SSBP3: variants seen among roughly 807,000 people sequenced by gnomAD.
SSBP3 encodes the protein single-stranded DNA-binding protein 3.
A neutral mutation model predicts 69.6 loss-of-function variants in SSBP3; 5 were observed. The observed-to-expected ratio is 0.07, with a 90% confidence interval of 0.04 to 0.15. The LOEUF is 0.15. Ranked by LOEUF, SSBP3 falls within the 10% of genes least tolerant of loss-of-function variation. The pLI is 1.00. For synonymous variants in SSBP3, 196 were observed against 193.4 expected (o/e 1.01, Z -0.11); for missense variants, 312 against 534.0 (o/e 0.58, Z 4.10).
rs543302123 is a variant in SSBP3, at chr1:54,327,292, C to CA, written c.277-45766dup. Among the ~76,000 whole-genome samples the CA allele has an allele frequency of 3.2e-4, 48 of 150,944 alleles. 2 individuals carry two copies. In the South Asian group the frequency reaches 9.9e-3, roughly 31 times the overall value. ...AGGAAAACAACAACAAGAACAACAA[C>CA]AAAAAACCCCCCAAAAAAACAGGTA... On this transcript the variant is annotated intron_variant, in intron 4 of 17. Coordinates refer to ENST00000610401, the Ensembl canonical transcript of SSBP3.
chr1:54,240,089 C>CGTGTGT (rs1419658974), intron 13 of SSBP3, among the ~76,000 whole-genome samples: 1 of 42,014 alleles, frequency 2.4e-5, no homozygotes, highest in African/African-American at 1.2e-4. Flanking sequence ...TGTGTGTGTG[C>CGTGTGT]GCGCGCGCGC....
At chr1:54,265,527 TCA>T (rs1192803467) in intron 5 of SSBP3, among the ~76,000 whole-genome samples, 1 of 152,140 alleles carries the variant, frequency 6.6e-6, no homozygotes, top group African/African-American at 2.4e-5. Context: ...CCCCGAGAGC[TCA>T]CAGTCAGGTG....
chr1:54,250,864 A>C (rs1297862837), intron 9 of SSBP3, among the ~76,000 whole-genome samples: 1 of 152,198 alleles, frequency 6.6e-6, no homozygotes, highest in African/African-American at 2.4e-5. Context: ...TGTCAGCGCC[A>C]ACACCTGTTG....
At chr1:54,407,159 G>A (rs914177447), upstream of SSBP3, among the ~76,000 whole-genome samples, 1 of 152,140 alleles carries the variant, frequency 6.6e-6, no homozygotes, top group African/African-American at 2.4e-5. Context: ...AGCCGGGGGG[G>A]AGGGGGGCTG....
At chr1:54,314,281 G>C (rs1412098119) in intron 4 of SSBP3, among the ~76,000 whole-genome samples, 1 of 152,226 alleles carries the variant, frequency 6.6e-6, no homozygotes, top group Non-Finnish European at 1.5e-5. Context: ...CACCAAGGAA[G>C]TGTATGCGGG....
chr1:54,268,266 G>A (rs1057490513), intron 5 of SSBP3, among the ~76,000 whole-genome samples: 1 of 152,244 alleles, frequency 6.6e-6, no homozygotes. Flanking sequence ...TCTGAAAATG[G>A]ATAGTGCTGC....
At chr1:54,265,318 G>A (rs779367848) in intron 5 of SSBP3, among the ~76,000 whole-genome samples, 4 of 152,214 alleles carry the variant, frequency 2.6e-5, no homozygotes, top group Non-Finnish European at 5.9e-5. Context: ...GTGGGTGTGT[G>A]TGTGTTATGT....
At chr1:54,378,155 T>C (rs1569988732) in intron 4 of SSBP3, among the ~76,000 whole-genome samples, 1 of 152,138 alleles carries the variant, frequency 6.6e-6, no homozygotes, top group East Asian at 1.9e-4. Context: ...GTGCCAGAGT[T>C]CCCATTTTTA....
intron 9 of SSBP3, among the ~76,000 whole-genome samples, chr1:54,247,128 C>T (rs1460744767): frequency 1.3e-5 from 2 of 152,332 alleles, no homozygotes; most frequent in African/African-American, 4.8e-5. Context: ...GAGAAGGGAC[C>T]GAGCAGCTGT....
intron 4 of SSBP3, among the ~76,000 whole-genome samples, chr1:54,301,191 T>A (rs1645794814): frequency 6.6e-6 from 1 of 152,206 alleles, no homozygotes; most frequent in South Asian, 2.1e-4. Flanking sequence ...CACATCACAA[T>A]GCCCATAATA....
rs554447640 is a variant in SSBP3 at position 54,233,458 on chromosome 1, G to T, written c.928-4632C>A. 1.7e-4 allele frequency among the ~76,000 whole-genome samples: 26 copies of T among 151,986 alleles called. No individual in the cohort carries two copies. The East Asian group carries it at 4.9e-3, about 28-fold the overall frequency. On this transcript the variant is annotated intron_variant, in intron 14 of 17. Transcript: ENST00000610401. ...CATCTGGGAAGTGAGGAGCGTCTCC[G>T]GCTGGCAGCCACACCGTCTGGGAGG...
At chr1:54,265,087 T>A (rs1403585635) in intron 5 of SSBP3, among the ~76,000 whole-genome samples, 1 of 152,152 alleles carries the variant, frequency 6.6e-6, no homozygotes, top group Non-Finnish European at 1.5e-5. Flanking sequence ...AAGCTCAGTC[T>A]GGGGAGAAGG....
intron 4 of SSBP3, among the ~76,000 whole-genome samples, chr1:54,341,538 G>GT (rs1470619211): frequency 2.0e-5 from 3 of 152,176 alleles, no homozygotes; most frequent in Admixed American, 1.3e-4. Flanking sequence ...TCCCATGGTA[G>GT]TAAGTGCTGT....
chr1:54,356,410 C>G (rs559562589), intron 4 of SSBP3: 1 of 152,304 alleles, frequency 6.6e-6, no homozygotes, highest in African/African-American at 2.4e-5. Flanking sequence ...AAACTTTTCA[C>G]GCACCTGGCA....
In SSBP3 at chr1:54,258,935, A is replaced by G. The variant is rs1644970087; in HGVS notation, c.367-786T>C. On this transcript the variant is annotated intron_variant, in intron 5 of 17. Coordinates refer to ENST00000610401, the Ensembl canonical transcript of SSBP3. This position sits in a 1 kb window ranked among gnomAD's most constrained non-coding sequence, Gnocchi z 4.5. ...GGGATGAAGGAACTTGGCCATGGCCATAAAACTGGTCAGTGGCAGAGCTGG... is the reference window on the plus strand; with the variant it reads ...GGGATGAAGGAACTTGGCCATGGCCGTAAAACTGGTCAGTGGCAGAGCTGG... 6.6e-6 allele frequency among the ~76,000 whole-genome samples: 1 copy of G among 152,228 alleles called. No homozygotes were observed. Among genetic ancestry groups the G allele is most frequent in the Admixed American group, 6.5e-5 (1 of 15,286 alleles).
intron 5 of SSBP3, among the ~76,000 whole-genome samples, chr1:54,278,210 G>C (rs1049730859): frequency 6.6e-6 from 1 of 152,196 alleles, no homozygotes; most frequent in African/African-American, 2.4e-5. Context: ...GTTGGATCTA[G>C]TGCTTTGGGG....
rs869039822 is a variant in SSBP3 at position 54,337,485 on chromosome 1, C to CTTTTTTTTTTTTTTTTTTTTTTTTT, written c.277-55983_277-55959dup. Among the ~76,000 whole-genome samples the CTTTTTTTTTTTTTTTTTTTTTTTTT allele has an allele frequency of 1.4e-4, 7 of 51,166 alleles. 1 individual carries two copies. Among genetic ancestry groups the CTTTTTTTTTTTTTTTTTTTTTTTTT allele is most frequent in the African/African-American group, 3.9e-4 (4 of 10,178 alleles). 33.6% of individuals were successfully genotyped at this position (51,166 alleles called of 152,430 possible). On this transcript the variant is annotated intron_variant, in intron 4 of 17. Coordinates refer to ENST00000610401, the Ensembl canonical transcript of SSBP3. ...ACCAAAGCATTTTGTTTTCCTCAAG[C>CTTTTTTTTTTTTTTTTTTTTTTTTT]TTTTTTTTTTTTTTTTTTTTTTTTT... is the stretch of plus-strand genomic sequence containing the variant.
intron 4 of SSBP3, among the ~76,000 whole-genome samples, chr1:54,325,050 G>A (rs557437489): frequency 1.8e-4 from 28 of 152,302 alleles, no homozygotes; most frequent in Middle Eastern, 3.4e-3. Context: ...CTGCTTTGGC[G>A]GGAGAATGGG....
intron 4 of SSBP3, among the ~76,000 whole-genome samples, chr1:54,323,271 A>G (rs1646246544): frequency 6.6e-6 from 1 of 151,698 alleles, no homozygotes; most frequent in African/African-American, 2.4e-5. Flanking sequence ...TGTAAAGGCC[A>G]GAAGATGCAC....
Sources: allele counts gnomAD v4.1 joint callset (sites outside exome capture counted in the v4.1 genomes callset), GRCh38; gene constraint gnomAD v4.1.1; non-coding constraint Gnocchi (gnomAD v3.1); transcripts MANE v1.5; gene names NCBI Gene and HGNC (gene_info 2026-07-23, HGNC 2026-07-21).